The following PARD3B variants were observed in gnomAD, a reference collection of about 807,000 sequenced individuals.
PARD3B encodes the protein par-3 family cell polarity regulator beta.
A neutral mutation model predicts 130.2 loss-of-function variants in PARD3B; 103 were observed. The ratio of observed to expected loss-of-function variants is 0.79; its 90% CI spans 0.67 to 0.93. PARD3B has a LOEUF of 0.93. PARD3B is among the 40% of genes least tolerant of loss of function. PARD3B has a pLI of 0.00. For missense variants in PARD3B, 1,609 were observed against 1,499.2 expected (o/e 1.07, Z -1.21); for synonymous variants, 583 against 553.2 (o/e 1.05, Z -0.76).
intron 1 of PARD3B, among the ~76,000 whole-genome samples, chr2:204,649,405 A>G (rs778283126): frequency 1.3e-5 from 2 of 152,000 alleles, no homozygotes; most frequent in African/African-American, 4.8e-5. Flanking sequence ...GTGTGTGTCT[A>G]CTTTCTTCCC....
At chr2:205,435,592 TG>T (rs1351078345) in intron 19 of PARD3B, among the ~76,000 whole-genome samples, 1 of 152,090 alleles carries the variant, frequency 6.6e-6, no homozygotes, top group Non-Finnish European at 1.5e-5. Flanking sequence ...TGGGTTTTAG[TG>T]GTTTCTTTGT....
intron 2 of PARD3B, among the ~76,000 whole-genome samples, chr2:204,827,017 C>G (rs2043606244): frequency 1.3e-5 from 2 of 152,068 alleles, no homozygotes; most frequent in African/African-American, 4.8e-5. Context: ...AAGACTCTGT[C>G]TCTTCCAAAA....
intron 3 of PARD3B, among the ~76,000 whole-genome samples, chr2:204,983,162 C>A (rs1008931621): frequency 2.6e-5 from 4 of 152,050 alleles, no homozygotes; most frequent in African/African-American, 7.3e-5. Flanking sequence ...GTTGGTATAG[C>A]CAATGCAGTT....
rs1479294780 is a variant in PARD3B, at chr2:205,525,989, C to T, written c.3180+25958C>T. Reference sequence around the variant, plus strand: ...CTTGCTTCTCGCAGGGTCTGGGGCTCCATGTCCTTATCAGTATCAGACTTC... The same window carrying T: ...CTTGCTTCTCGCAGGGTCTGGGGCTTCATGTCCTTATCAGTATCAGACTTC... On this transcript the variant is annotated intron_variant, in intron 21 of 22. Transcript: ENST00000406610. The surrounding 1 kb of genome is among the most constrained non-coding windows in gnomAD (Gnocchi z 4.2). Among the ~76,000 whole-genome samples the T allele has an allele frequency of 6.6e-6, 1 of 152,214 alleles. No homozygotes were observed. Among genetic ancestry groups the T allele is most frequent in the Non-Finnish European group, 1.5e-5 (1 of 68,040 alleles).
At chr2:204,685,706 A>T (rs1418385263) in intron 1 of PARD3B, among the ~76,000 whole-genome samples, 1 of 152,186 alleles carries the variant, frequency 6.6e-6, no homozygotes, top group Non-Finnish European at 1.5e-5. Flanking sequence ...ACAGGTGAAG[A>T]TGTTGGTGGC....
At chr2:205,349,411 G>A (rs915907436) in intron 18 of PARD3B, among the ~76,000 whole-genome samples, 4 of 152,174 alleles carry the variant, frequency 2.6e-5, no homozygotes, top group African/African-American at 9.7e-5. Context: ...CCTGGCATGA[G>A]ATAGGTCTGC....
intron 2 of PARD3B, among the ~76,000 whole-genome samples, chr2:204,758,270 C>T (rs1041368082): frequency 6.6e-6 from 1 of 152,068 alleles, no homozygotes; most frequent in Non-Finnish European, 1.5e-5. Context: ...TTGGCTAAAA[C>T]AAGTCATGTG....
chr2:205,247,891 A>T (rs576030173), intron 16 of PARD3B, among the ~76,000 whole-genome samples: 1 of 152,030 alleles, frequency 6.6e-6, no homozygotes, highest in Non-Finnish European at 1.5e-5. Context: ...AAATTTATGT[A>T]CTCTAAGAAC....
intron 20 of PARD3B, among the ~76,000 whole-genome samples, chr2:205,477,012 A>G (rs1575116779): frequency 6.6e-6 from 1 of 152,296 alleles, no homozygotes; most frequent in East Asian, 1.9e-4. Flanking sequence ...TAGATTCCAA[A>G]TTGATTCTAT....
chr2:205,188,644 CT>C (rs1170714387), intron 14 of PARD3B, among the ~76,000 whole-genome samples: 1 of 152,042 alleles, frequency 6.6e-6, no homozygotes, highest in Admixed American at 6.5e-5. Flanking sequence ...ATCGTGTGAC[CT>C]GCACCATCCT....
intron 14 of PARD3B, among the ~76,000 whole-genome samples, chr2:205,192,875 T>G (rs1268287134): frequency 6.6e-6 from 1 of 152,206 alleles, no homozygotes; most frequent in Non-Finnish European, 1.5e-5. Flanking sequence ...TCCAGTGACA[T>G]CTTTTGAAGT....
intron 2 of PARD3B, among the ~76,000 whole-genome samples, chr2:204,852,101 A>G (rs879385265): frequency 2.0e-5 from 3 of 152,160 alleles, no homozygotes; most frequent in Admixed American, 2.0e-4. Flanking sequence ...TAATGACAGT[A>G]GTGTGTAACA....
At chr2:204,756,479 A>G (rs923236906) in intron 2 of PARD3B, among the ~76,000 whole-genome samples, 11 of 152,158 alleles carry the variant, frequency 7.2e-5, no homozygotes, top group African/African-American at 2.2e-4. Context: ...CGAATAGCTT[A>G]TGTACAAATC....
At chr2:204,951,481 C>T (rs1381579040) in intron 2 of PARD3B, among the ~76,000 whole-genome samples, 1 of 152,124 alleles carries the variant, frequency 6.6e-6, no homozygotes, top group Non-Finnish European at 1.5e-5. Context: ...CTCATTGAAA[C>T]ACCACTTCTG....
intron 3 of PARD3B, among the ~76,000 whole-genome samples, chr2:205,025,317 T>A (rs1575581526): frequency 6.6e-6 from 1 of 152,206 alleles, no homozygotes; most frequent in South Asian, 2.1e-4. Context: ...GCTGTGGCTG[T>A]GTTTTTCGTT....
intron 22 of PARD3B, among the ~76,000 whole-genome samples, chr2:205,566,088 T>C (rs1046158995): frequency 6.6e-6 from 1 of 152,022 alleles, no homozygotes; most frequent in Admixed American, 6.6e-5. Flanking sequence ...GAACACGTAA[T>C]GAACAGACTG....
At chr2:204,801,526 G>A (rs1011939645) in intron 2 of PARD3B, among the ~76,000 whole-genome samples, 4 of 152,060 alleles carry the variant, frequency 2.6e-5, no homozygotes, top group Admixed American at 2.6e-4. Flanking sequence ...TTGGTGTATA[G>A]GAATGCTTGA....
At chr2:205,347,118 C>T (rs1188238324) in intron 18 of PARD3B, among the ~76,000 whole-genome samples, 1 of 152,160 alleles carries the variant, frequency 6.6e-6, no homozygotes, top group East Asian at 1.9e-4. Context: ...TTTCCCACTG[C>T]TGCCAAAGGT....
chr2:205,130,755 C>A (rs988504764), intron 10 of PARD3B, among the ~76,000 whole-genome samples: 6 of 152,164 alleles, frequency 3.9e-5, no homozygotes, highest in Non-Finnish European at 7.3e-5. Context: ...CTGGCCTCTG[C>A]AAGTGAGATT....
Sources: allele counts gnomAD v4.1 joint callset (sites outside exome capture counted in the v4.1 genomes callset), GRCh38; gene constraint gnomAD v4.1.1; non-coding constraint Gnocchi (gnomAD v3.1); transcripts MANE v1.5; gene names NCBI Gene and HGNC (gene_info 2026-07-23, HGNC 2026-07-21).